Variants in GBE1 observed in about 807,000 individuals in gnomAD.
GBE1 encodes the protein 1,4-alpha-glucan branching enzyme 1.
A neutral mutation model predicts 88.8 loss-of-function variants in GBE1; 70 were observed. The ratio of observed to expected loss-of-function variants is 0.79; its 90% CI spans 0.65 to 0.96. The LOEUF is 0.96. Ranked by LOEUF, GBE1 falls within the 40% of genes least tolerant of loss-of-function variation. The pLI, the probability that GBE1 is intolerant of heterozygous loss-of-function variation, is 0.00. For missense variants in GBE1, 872 were observed against 871.0 expected (o/e 1.00, Z -0.01); for synonymous variants, 284 against 300.1 (o/e 0.95, Z 0.56).
intron 3 of GBE1, among the ~76,000 whole-genome samples, chr3:81,665,428 C>G (rs1391425535): frequency 2.0e-5 from 3 of 151,084 alleles, no homozygotes; most frequent in African/African-American, 4.9e-5. Flanking sequence ...CCCAGCTGCT[C>G]GAGAGGCTGA....
In GBE1 at chr3:81,642,824, C is replaced by G; in HGVS notation, c.949G>C (p.Gly317Arg). The change falls in exon 7 of 16, where the codon GGG becomes CGG. Residue 317 changes from glycine (G) to arginine (R), a missense_variant. Transcript: ENST00000429644. ...DSCYFHSGPRGTHDLWDSRLF... is the reference protein window; with the variant it reads ...DSCYFHSGPRRTHDLWDSRLF... Reference sequence around the variant, plus strand: ...CTGCTATCCCAAAGATCATGAGTCCCTCTAGGTCCAGAATGAAAATAACAG... The same window carrying G: ...CTGCTATCCCAAAGATCATGAGTCCGTCTAGGTCCAGAATGAAAATAACAG... 6.2e-7 allele frequency: 1 copy of G among 1,613,320 alleles called. No individual in the cohort carries two copies.
intron 12 of GBE1, among the ~76,000 whole-genome samples, chr3:81,537,958 T>C (rs1017871658): frequency 1.3e-5 from 2 of 151,990 alleles, no homozygotes; most frequent in African/African-American, 4.8e-5. Flanking sequence ...TGAGAATCAA[T>C]TTTAGATATT....
chr3:81,701,407 C>T (rs1263943306), intron 2 of GBE1, among the ~76,000 whole-genome samples: 1 of 151,918 alleles, frequency 6.6e-6, no homozygotes, highest in Non-Finnish European at 1.5e-5. Flanking sequence ...GCAAATCTGC[C>T]TTAGTTTTGG....
At chr3:81,531,844 G>A (rs1440332586) in intron 14 of GBE1, among the ~76,000 whole-genome samples, 1 of 152,044 alleles carries the variant, frequency 6.6e-6, no homozygotes, top group Non-Finnish European at 1.5e-5. Flanking sequence ...TGGAACCCCA[G>A]GGTACTTTAG....
chr3:81,578,116 G>A lies in GBE1; in HGVS notation c.1447-20C>T. ...CAATGCCTACAGAAATAAAAGTAATGGAGATAAATGAAAAAAAAAAGTGCT... is the reference window on the plus strand; with the variant it reads ...CAATGCCTACAGAAATAAAAGTAATAGAGATAAATGAAAAAAAAAAGTGCT... On this transcript the variant is annotated intron_variant, in intron 11 of 15. Transcript: ENST00000429644. 1 of 1,544,940 alleles carries A rather than the reference G, an allele frequency of 6.5e-7. No individual in the cohort carries two copies. The highest frequency in any genetic ancestry group is 8.7e-7 in the Non-Finnish European group (1 of 1,147,832).
intron 1 of GBE1, among the ~76,000 whole-genome samples, chr3:81,720,564 T>C (rs1706013851): frequency 6.6e-6 from 1 of 152,066 alleles, no homozygotes; most frequent in Admixed American, 6.6e-5. Flanking sequence ...CAAATTGAAA[T>C]TGAGATAAGG....
chr3:81,601,452 C>T (rs1704031436), intron 7 of GBE1, among the ~76,000 whole-genome samples: 1 of 151,974 alleles, frequency 6.6e-6, no homozygotes, highest in South Asian at 2.1e-4. Context: ...CTTTTAAAAC[C>T]CTGTAATTCC....
intron 15 of GBE1, among the ~76,000 whole-genome samples, chr3:81,491,412 A>G (rs1702434843): frequency 1.3e-5 from 2 of 152,202 alleles, no homozygotes; most frequent in African/African-American, 2.4e-5. Flanking sequence ...GCCACTGAAC[A>G]AGGTAGATGT....
At chr3:81,631,287 C>T (rs542640488) in intron 7 of GBE1, among the ~76,000 whole-genome samples, 1 of 152,248 alleles carries the variant, frequency 6.6e-6, no homozygotes, top group East Asian at 1.9e-4. Context: ...TAGTAATAGC[C>T]TTTGGCACCT....
intron 7 of GBE1, among the ~76,000 whole-genome samples, chr3:81,598,751 A>G (rs982738641): frequency 6.6e-6 from 1 of 151,762 alleles, no homozygotes; most frequent in Non-Finnish European, 1.5e-5. Flanking sequence ...TTAATTTCAA[A>G]TACTGTTAAA....
At chr3:81,509,630 G>A (rs964336692) in intron 14 of GBE1, 1 of 151,576 alleles carries the variant, frequency 6.6e-6, no homozygotes, top group African/African-American at 2.4e-5. Context: ...TTGAGTGAGT[G>A]TCTTTTCATT....
chr3:81,547,528 G>A (rs1056305724), intron 12 of GBE1, among the ~76,000 whole-genome samples: 9 of 151,150 alleles, frequency 6.0e-5, no homozygotes, highest in Admixed American at 2.0e-4. Flanking sequence ...GCAGCCAGCC[G>A]GGTCACTGGG....
intron 3 of GBE1, among the ~76,000 whole-genome samples, chr3:81,652,726 C>T (rs888929295): frequency 6.6e-6 from 1 of 152,184 alleles, no homozygotes; most frequent in Non-Finnish European, 1.5e-5. Context: ...TTGCTTTTCA[C>T]TTTCTGTTTC....
chr3:81,578,233 A>G (rs1205867727), intron 11 of GBE1, 137 bp from the exon 12 acceptor site: 4 of 627,054 alleles, frequency 6.4e-6, no homozygotes, highest in Non-Finnish European at 1.0e-5. Context: ...AATTTCAGGT[A>G]TTTTCCACTG....
chr3:81,665,141 G>T (rs563568764), intron 3 of GBE1, among the ~76,000 whole-genome samples: 37 of 152,208 alleles, frequency 2.4e-4, no homozygotes, highest in African/African-American at 8.9e-4. Context: ...TCTGTGGGTT[G>T]AAGTAGTGTT....
chr3:81,573,696 A>G (rs957150459), intron 12 of GBE1, among the ~76,000 whole-genome samples: 1 of 152,134 alleles, frequency 6.6e-6, no homozygotes, highest in Non-Finnish European at 1.5e-5. Context: ...GTTTAAATTA[A>G]TATACACCTC....
rs531138737 is a variant in GBE1 at position 81,745,844 on chromosome 3, G to A, written c.143+15531C>T. Among the ~76,000 whole-genome samples, 9 of 152,028 alleles carry A rather than the reference G, an allele frequency of 5.9e-5. No homozygotes were observed. The East Asian group carries it at 1.5e-3, about 26-fold the overall frequency. On this transcript the variant is annotated intron_variant, in intron 1 of 15. Coordinates refer to ENST00000429644, the MANE Select transcript of GBE1 (RefSeq NM_000158.4). ...ATTTTCTAAATTTTGCCAAATAAACGTACAAACAACTTCCATCTCTCAACA... is the reference window on the plus strand; with the variant it reads ...ATTTTCTAAATTTTGCCAAATAAACATACAAACAACTTCCATCTCTCAACA...
At chr3:81,606,322 G>A (rs187740478) in intron 7 of GBE1, among the ~76,000 whole-genome samples, 9 of 152,228 alleles carry the variant, frequency 5.9e-5, no homozygotes, top group African/African-American at 1.7e-4. Context: ...ATAATGACAC[G>A]GAGGAATTGC....
At chr3:81,525,969 T>C (rs1465863168) in intron 14 of GBE1, among the ~76,000 whole-genome samples, 3 of 152,088 alleles carry the variant, frequency 2.0e-5, no homozygotes, top group Non-Finnish European at 2.9e-5. Context: ...TTGTTGATCT[T>C]TTCAAAAAAC....
Sources: allele counts gnomAD v4.1 joint callset (sites outside exome capture counted in the v4.1 genomes callset), GRCh38; gene constraint gnomAD v4.1.1; transcripts MANE v1.5; gene names NCBI Gene and HGNC (gene_info 2026-07-23, HGNC 2026-07-21).